Variants in MAGEL2 observed in about 807,000 individuals in gnomAD.
The protein encoded by MAGEL2 is MAGE family member L2, also known as MAGE-like protein 2.
For synonymous variants in MAGEL2, 792 were observed against 721.7 expected, an observed-to-expected ratio of 1.10 and a Z score of -1.56; for missense variants, 1,830 against 1,699.2, an observed-to-expected ratio of 1.08 and a Z score of -1.35.
rs1890410983 is a variant in MAGEL2, at chr15:23,646,572, T to A, written c.1171A>T (p.Thr391Ser). 4.1e-6 allele frequency: 6 copies of A among 1,473,074 alleles called. No individual in the cohort carries two copies. The South Asian group carries it at 6.9e-5, about 17-fold the overall frequency. 91.3% of individuals were successfully genotyped at this position (1,473,074 alleles called of 1,614,324 possible). ...GGTGCCTGCCAGGTGACCTGCGTGGTCTGCCAAGTCAGGGGAGTGGCCTGC... is the reference window on the plus strand; with the variant it reads ...GGTGCCTGCCAGGTGACCTGCGTGGACTGCCAAGTCAGGGGAGTGGCCTGC... ...GWQATPLTWQ[T>S]TQVTWQAPAV... Residue 391 changes from threonine (T) to serine (S), a missense_variant, in exon 1 of 1, where the codon ACC becomes TCC. Physicochemically the swap from Thr to Ser is moderately conservative, Grantham distance 58. Transcript: ENST00000650528. The surrounding 1 kb of genome is among the most constrained non-coding windows in gnomAD (Gnocchi z 4.2).
Position 23,647,243 on chromosome 15 carries a change from G to A in MAGEL2, c.500C>T (p.Thr167Ile), listed in dbSNP as rs1242126221. ...CGGAGGAGGAGGATGGGCCATCGGGGTCCCCGGAGGAGGAGGATGGGCCAT... is the reference window on the plus strand; with the variant it reads ...CGGAGGAGGAGGATGGGCCATCGGGATCCCCGGAGGAGGAGGATGGGCCAT... ...TPMAHPPPPGTPMAHPPPPGT... is the reference protein window; with the variant it reads ...TPMAHPPPPGIPMAHPPPPGT... The change falls in exon 1 of 1, where the codon ACC (threonine) becomes ATC (isoleucine). Residue 167 changes from threonine (T) to isoleucine (I), a missense_variant. Coordinates refer to ENST00000650528, the MANE Select transcript of MAGEL2 (RefSeq NM_019066.5). 1.6e-5 allele frequency: 24 copies of A among 1,526,760 alleles called. No homozygotes were observed. Among genetic ancestry groups the A allele is most frequent in the Non-Finnish European group, 2.1e-5 (24 of 1,140,884 alleles). The allele number at this position is 1,526,760 out of a possible 1,614,324, so 94.6% of individuals were successfully genotyped here.
Position 23,647,077 on chromosome 15 carries a change from A to T in MAGEL2, c.666T>A (p.Pro222=). Residue 222 remains proline (P), a synonymous_variant, in exon 1 of 1, where the codon CCT becomes CCA. Transcript: ENST00000650528. ...GGGCCATCGGTGTACCCGGAGGGGG[A>T]GGATGAGCCATCGGTGTCCCCGGAG... ...PPPPGTPMAH[P]PPPGTPMAQP... is the part of the protein sequence containing the mutation. 6.5e-7 allele frequency: 1 copy of T among 1,534,246 alleles called. No homozygotes were observed. The highest frequency in any genetic ancestry group is 8.7e-7 in the Non-Finnish European group (1 of 1,145,616).
chr15:23,643,902 G>A lies in MAGEL2; in HGVS notation c.*91C>T. On this transcript the variant is annotated 3_prime_UTR_variant, in exon 1 of 1. Coordinates refer to ENST00000650528, the MANE Select transcript of MAGEL2 (RefSeq NM_019066.5). ...AATCCAAACGTACACTCGTGGAACT[G>A]GAACACAAACACCAGGAACAAAAAT... 2 of 1,373,290 alleles carry A rather than the reference G, an allele frequency of 1.5e-6. No individual in the cohort carries two copies. Among genetic ancestry groups the A allele is most frequent in the African/African-American group, 1.4e-5 (1 of 69,098 alleles). 85.1% of individuals were successfully genotyped at this position (1,373,290 alleles called of 1,614,324 possible).
Position 23,646,426 on chromosome 15 carries a change from C to T in MAGEL2, c.1317G>A (p.Gln439=), listed in dbSNP as rs1890406561. The change falls in exon 1 of 1, where the codon CAG becomes CAA. Residue 439 remains glutamine (Q), a synonymous_variant. Transcript: ENST00000650528. This position sits in a 1 kb window ranked among gnomAD's most constrained non-coding sequence, Gnocchi z 4.2. ...GGGCCTGGCGGATCACCGGTGGGGC[C>T]TGGCGGATCAGCGGTGGGGCCTGTC... ...PVRQAPPLIR[Q]APPVIRQAPP... The T allele has an allele frequency of 1.4e-6, 2 of 1,414,720 alleles. No homozygotes were observed. Among genetic ancestry groups the T allele is most frequent in the Non-Finnish European group, 1.8e-6 (2 of 1,095,176 alleles). The allele number at this position is 1,414,720 out of a possible 1,614,324, so 87.6% of individuals were successfully genotyped here.
In MAGEL2 at chr15:23,645,254, G is replaced by A. The variant is rs1306929148; in HGVS notation, c.2489C>T (p.Ala830Val). The A allele has an allele frequency of 1.2e-6, 2 of 1,613,800 alleles. No individual in the cohort carries two copies. Among genetic ancestry groups the A allele is most frequent in the East Asian group, 4.5e-5 (2 of 44,868 alleles). ...ALQDPFACVE[A>V]LPAVPWVPQP... ...TGGGACCCATGGAACTGCAGGCAGG[G>A]CCTCTACACAGGCAAAGGGATCCTG... The change falls in exon 1 of 1, where the codon GCC (alanine) becomes GTC (valine). Residue 830 changes from alanine (A) to valine (V), a missense_variant. Coordinates refer to ENST00000650528, the MANE Select transcript of MAGEL2 (RefSeq NM_019066.5).
chr15:23,645,200 G>A lies in MAGEL2; in HGVS notation c.2543C>T (p.Ser848Leu), dbSNP rs777433159. Reference protein sequence around the residue: ...PQPNMNASKASQAVPTFLMAT... With the variant: ...PQPNMNASKALQAVPTFLMAT... ...CATCAGGAAGGTGGGCACTGCCTGC[G>A]ATGCCTTTGAGGCATTCATATTGGG... Residue 848 changes from serine (S) to leucine (L), a missense_variant, in exon 1 of 1, where the codon TCG becomes TTG. Transcript: ENST00000650528. 9 of 1,613,776 alleles carry A rather than the reference G, an allele frequency of 5.6e-6. No homozygotes were observed. The highest frequency in any genetic ancestry group is 2.7e-5 in the African/African-American group (2 of 74,960).
In MAGEL2 at chr15:23,646,969, C is replaced by T. The variant is rs1199171227; in HGVS notation, c.774G>A (p.Pro258=). 5 of 1,536,744 alleles carry T rather than the reference C, an allele frequency of 3.3e-6. No individual in the cohort carries two copies. Among genetic ancestry groups the T allele is most frequent in the African/African-American group, 1.4e-5 (1 of 73,028 alleles). ...TGGCTGCTGGAGGCGGCTGGACCAT[C>T]GGTGCTCCCGGAGCAGCAGGCTGGA... ...LMVQPAAPGA[P]MVQPPPAAMM... Residue 258 remains proline, a synonymous_variant, in exon 1 of 1, where the codon CCG becomes CCA. Transcript: ENST00000650528. This position sits in a 1 kb window ranked among gnomAD's most constrained non-coding sequence, Gnocchi z 4.2.
In MAGEL2 at chr15:23,645,495, T is replaced by C. The variant is rs1346035338; in HGVS notation, c.2248A>G (p.Met750Val). 3 of 1,613,876 alleles carry C rather than the reference T, an allele frequency of 1.9e-6. No individual in the cohort carries two copies. Among genetic ancestry groups the C allele is most frequent in the South Asian group, 2.2e-5 (2 of 91,094 alleles). Residue 750 changes from methionine to valine, a missense_variant, in exon 1 of 1, where the codon ATG (methionine) becomes GTG (valine). Physicochemically the swap from Met to Val is conservative, Grantham distance 21. Coordinates refer to ENST00000650528, the MANE Select transcript of MAGEL2 (RefSeq NM_019066.5). ...KERRAPSKDR[M>V]IFAATFCAPK... ...GCACAGAAGGTGGCAGCAAAGATCATGCGGTCTTTTGAAGGGGCCCTGCGC... is the reference window on the plus strand; with the variant it reads ...GCACAGAAGGTGGCAGCAAAGATCACGCGGTCTTTTGAAGGGGCCCTGCGC...
rs376966188 is a variant in MAGEL2, at chr15:23,645,521, T to A, written c.2222A>T (p.Glu741Val). ...SSKERRTSSK[E>V]RRAPSKDRMI... ...GCGGTCTTTTGAAGGGGCCCTGCGC[T>A]CCTTCGAGGAGGTCCTGCGCTCTTT... Residue 741 changes from glutamate to valine, a missense_variant, in exon 1 of 1, where the codon GAG becomes GTG. Physicochemically the swap from Glu to Val is moderately radical, Grantham distance 121. Transcript: ENST00000650528. 1.1e-5 allele frequency: 17 copies of A among 1,613,712 alleles called. No individual in the cohort carries two copies. Among genetic ancestry groups the A allele is most frequent in the Admixed American group, 1.7e-5 (1 of 60,002 alleles).
Position 23,647,865 on chromosome 15 carries a change from A to G in MAGEL2, c.-123T>C, listed in dbSNP as rs1890456884. ...CCTCCCTGCTGAATGCTGAATAGGA[A>G]GTGAGTGCTGCTCGCTCCGCAGCTT... is the stretch of plus-strand genomic sequence containing the variant. On this transcript the variant is annotated 5_prime_UTR_variant, in exon 1 of 1. Transcript: ENST00000650528. 2 of 1,038,808 alleles carry G rather than the reference A, an allele frequency of 1.9e-6. No homozygotes were observed. The highest frequency in any genetic ancestry group is 1.3e-6 in the Non-Finnish European group (1 of 757,626). The allele number at this position is 1,038,808 out of a possible 1,614,324, so 64.3% of individuals were successfully genotyped here. A position where few individuals can be genotyped will look rare whatever the true frequency, so the allele number is the denominator to read the frequency against.
In MAGEL2 at chr15:23,647,767, TCTTTTCCTCGGACAGCTGCTGGGC is replaced by T. The variant is rs769174382; in HGVS notation, c.-49_-26del. 14 of 1,435,494 alleles carry T rather than the reference TCTTTTCCTCGGACAGCTGCTGGGC, an allele frequency of 9.8e-6. No individual in the cohort carries two copies. The highest frequency in any genetic ancestry group is 4.5e-5 in the South Asian group (3 of 66,678). 88.9% of individuals were successfully genotyped at this position (1,435,494 alleles called of 1,614,324 possible). A position where few individuals can be genotyped will look rare whatever the true frequency, so the allele number is the denominator to read the frequency against. ...TGTCCCTTTGCTGACAGCTGGTGGG[TCTTTTCCTCGGACAGCTGCTGGGC>T]CTTTTCCTCCAGAGAGAAGAGAATG... On this transcript the variant is annotated 5_prime_UTR_variant, in exon 1 of 1. Coordinates refer to ENST00000650528, the MANE Select transcript of MAGEL2 (RefSeq NM_019066.5).
Position 23,644,677 on chromosome 15 carries a change from C to G in MAGEL2, c.3066G>C (p.Glu1022Asp). 1 of 1,613,890 alleles carries G rather than the reference C, an allele frequency of 6.2e-7. No homozygotes were observed. The highest frequency in any genetic ancestry group is 1.1e-5 in the South Asian group (1 of 91,074). The stretch of plus-strand genomic sequence containing the variant: ...GGAACTGCACCAACGCATTTGCCCT[C>G]TCATCCAAGGGAGACAAGGGCTGTG... ...VEAQPLSPLD[E>D]RANALVQFLL... The change falls in exon 1 of 1, where the codon GAG (glutamate) becomes GAC (aspartate). Residue 1022 changes from glutamate (E) to aspartate (D), a missense_variant. Physicochemically the swap from Glu to Asp is conservative, Grantham distance 45. Coordinates refer to ENST00000650528, the MANE Select transcript of MAGEL2 (RefSeq NM_019066.5).
At position 23,647,172 on chromosome 15, in the gene MAGEL2, G is replaced by A. The variant is rs913473114; in HGVS notation, c.571C>T (p.His191Tyr). Residue 191 changes from histidine to tyrosine, a missense_variant, in exon 1 of 1, where the codon CAT (histidine) becomes TAT (tyrosine). Transcript: ENST00000650528. ...HPPPPGTPMA[H>Y]PPPPGTPMAH... The stretch of plus-strand genomic sequence containing the variant: ...ATCGGTGTCCCCGGAGGGGGAGGAT[G>A]AGCCATCGGGGTCCCCGGAGGAGGA... 14 of 1,523,648 alleles carry A rather than the reference G, an allele frequency of 9.2e-6. No homozygotes were observed. The highest frequency in any genetic ancestry group is 1.2e-5 in the Non-Finnish European group (14 of 1,140,998). The allele number at this position is 1,523,648 out of a possible 1,614,324, so 94.4% of individuals were successfully genotyped here. A position where few individuals can be genotyped will look rare whatever the true frequency, so the allele number is the denominator to read the frequency against.
In MAGEL2 at chr15:23,647,393, G is replaced by T; in HGVS notation, c.350C>A (p.Ala117Asp). 2.6e-6 allele frequency: 4 copies of T among 1,536,668 alleles called. No homozygotes were observed. The highest frequency in any genetic ancestry group is 3.5e-6 in the Non-Finnish European group (4 of 1,146,796). Reference sequence around the variant, plus strand: ...CGGGGTCGGAGGCTGGGCCATCGGGGCTCCCGGAGGTGGAGGATGCACCAT... The same window carrying T: ...CGGGGTCGGAGGCTGGGCCATCGGGTCTCCCGGAGGTGGAGGATGCACCAT... ...VLMVHPPPPG[A>D]PMAQPPTPGV... is the part of the protein sequence containing the mutation. Residue 117 changes from alanine (A) to aspartate (D), a missense_variant, in exon 1 of 1, where the codon GCC becomes GAC. Coordinates refer to ENST00000650528, the MANE Select transcript of MAGEL2 (RefSeq NM_019066.5).
chr15:23,647,182 G>A lies in MAGEL2; in HGVS notation c.561C>T (p.Thr187=). Residue 187 remains threonine (T), a synonymous_variant, in exon 1 of 1, where the codon ACC becomes ACT. Coordinates refer to ENST00000650528, the MANE Select transcript of MAGEL2 (RefSeq NM_019066.5). ...CCGGAGGGGGAGGATGAGCCATCGG[G>A]GTCCCCGGAGGAGGAGGATGCACCA... is the stretch of plus-strand genomic sequence containing the variant. ...TPMVHPPPPG[T]PMAHPPPPGT... is the part of the protein sequence containing the mutation. The A allele has an allele frequency of 6.6e-7, 1 of 1,519,988 alleles. No individual in the cohort carries two copies. The highest frequency in any genetic ancestry group is 8.8e-7 in the Non-Finnish European group (1 of 1,139,452). 94.2% of individuals were successfully genotyped at this position (1,519,988 alleles called of 1,614,324 possible).
Position 23,647,536 on chromosome 15 carries a change from C to T in MAGEL2, c.207G>A (p.Gln69=), listed in dbSNP as rs1212121092. The T allele has an allele frequency of 2.6e-6, 4 of 1,532,748 alleles. No individual in the cohort carries two copies. The East Asian group carries it at 9.8e-5, about 38-fold the overall frequency. The allele number at this position is 1,532,748 out of a possible 1,614,324, so 94.9% of individuals were successfully genotyped here. A position where few individuals can be genotyped will look rare whatever the true frequency, so the allele number is the denominator to read the frequency against. ...GAACCACCGGGGCGGGCAGCTGGCC[C>T]TGTGGGGCCTCCCAGGCAGGCTGAG... ...QAPQPAWEAP[Q]GQLPAPVVPM... Residue 69 remains glutamine (Q), a synonymous_variant, in exon 1 of 1, where the codon CAG becomes CAA. Coordinates refer to ENST00000650528, the MANE Select transcript of MAGEL2 (RefSeq NM_019066.5).
Position 23,645,733 on chromosome 15 carries a change from T to G in MAGEL2, c.2010A>C (p.Ala670=). The G allele has an allele frequency of 6.4e-7, 1 of 1,566,698 alleles. No individual in the cohort carries two copies. Among genetic ancestry groups the G allele is most frequent in the Non-Finnish European group, 8.6e-7 (1 of 1,158,568 alleles). Residue 670 remains alanine (A), a synonymous_variant, in exon 1 of 1, where the codon GCA becomes GCC. Coordinates refer to ENST00000650528, the MANE Select transcript of MAGEL2 (RefSeq NM_019066.5). ...QIQLPPQQAQ[A]SGPQAEVPTL... ...TGGGCACCTCCGCTTGCGGACCCGATGCCTGGGCCTGCTGGGGGGGTAGCT... is the reference window on the plus strand; with the variant it reads ...TGGGCACCTCCGCTTGCGGACCCGAGGCCTGGGCCTGCTGGGGGGGTAGCT...
chr15:23,646,464 G>C lies in MAGEL2; in HGVS notation c.1279C>G (p.Pro427Ala). 7.0e-7 allele frequency: 1 copy of C among 1,433,922 alleles called. No individual in the cohort carries two copies. Among genetic ancestry groups the C allele is most frequent in the Non-Finnish European group, 9.1e-7 (1 of 1,101,536 alleles). 88.8% of individuals were successfully genotyped at this position (1,433,922 alleles called of 1,614,324 possible). A position where few individuals can be genotyped will look rare whatever the true frequency, so the allele number is the denominator to read the frequency against. The change falls in exon 1 of 1, where the codon CCA becomes GCA. Residue 427 changes from proline (P) to alanine (A), a missense_variant. Coordinates refer to ENST00000650528, the MANE Select transcript of MAGEL2 (RefSeq NM_019066.5). The surrounding 1 kb of genome is among the most constrained non-coding windows in gnomAD (Gnocchi z 4.2). The stretch of plus-strand genomic sequence containing the variant: ...GGTGGGGCCTGTCGCACCGGTGGTG[G>C]GCCAGGGCGGATGGGTGGTGGGCCA... ...RPGPPPIRPG[P>A]PPVRQAPPLI... is the part of the protein sequence containing the mutation.
At position 23,645,171 on chromosome 15, in the gene MAGEL2, T is replaced by A. The variant is rs1343066533; in HGVS notation, c.2572A>T (p.Thr858Ser). The change falls in exon 1 of 1, where the codon ACA becomes TCA. Residue 858 changes from threonine (T) to serine (S), a missense_variant. Physicochemically the swap from Thr to Ser is moderately conservative, Grantham distance 58. Coordinates refer to ENST00000650528, the MANE Select transcript of MAGEL2 (RefSeq NM_019066.5). ...GCAGTTGCCTGGGGGGCAGCTGCTG[T>A]AGCCATCAGGAAGGTGGGCACTGCC... ...SQAVPTFLMA[T>S]AAAPQATATT... The A allele has an allele frequency of 1.2e-6, 2 of 1,613,832 alleles. No homozygotes were observed. Among genetic ancestry groups the A allele is most frequent in the African/African-American group, 2.7e-5 (2 of 75,074 alleles).
Sources: gnomAD v4.1 joint callset for allele counts on GRCh38, gnomAD v4.1.1 for gene constraint, Gnocchi (gnomAD v3.1) non-coding constraint, MANE v1.5 for transcripts, NCBI Gene and HGNC (gene_info 2026-07-23, HGNC 2026-07-21) for gene names.